AP3D1: variants seen among roughly 807,000 people sequenced by gnomAD.
The protein encoded by AP3D1 is AP-3 complex subunit delta-1.
A neutral mutation model predicts 147.6 loss-of-function variants in AP3D1; 51 were observed. That is an observed-to-expected ratio of 0.35 (90% CI 0.28 to 0.44). The LOEUF (loss-of-function observed/expected upper bound fraction) is 0.44. Among genes scored for constraint, AP3D1 ranks in the 20% least tolerant of loss-of-function variants. The pLI, the probability that AP3D1 is intolerant of heterozygous loss-of-function variation, is 1.00. For missense variants in AP3D1, 1,421 were observed against 1,624.2 expected, an observed-to-expected ratio of 0.87 and a Z score of 2.15; for synonymous variants, 760 against 663.0, an observed-to-expected ratio of 1.15 and a Z score of -2.25.
At position 2,121,182 on chromosome 19, in the gene AP3D1, A is replaced by G. The variant is rs957370288; in HGVS notation, c.1231T>C (p.Tyr411His). ...ACGCACCACTCGAAGTTGGTGATGT[A>G]CTGGTAGTTGGACTGGCTGCAGATG... ...IDICSQSNYQ[Y>H]ITNFEWYISI... Residue 411 changes from tyrosine (Y) to histidine (H), a missense_variant, in exon 13 of 32, where the codon TAC becomes CAC. Physicochemically the swap from Tyr to His is moderately conservative, Grantham distance 83. Around this residue, in one of 6 missense-constraint regions of AP3D1, gnomAD observed 310 missense variants for 388.1 expected, o/e 0.80. Coordinates refer to ENST00000643116, the MANE Select transcript of AP3D1 (RefSeq NM_001261826.3). 3.1e-6 allele frequency: 5 copies of G among 1,614,072 alleles called. No individual in the cohort carries two copies. The African/African-American group carries it at 5.3e-5, about 17-fold the overall frequency.
upstream of AP3D1, among the ~76,000 whole-genome samples, chr19:2,153,720 A>G (rs573302406): frequency 2.0e-5 from 3 of 151,740 alleles, no homozygotes; most frequent in African/African-American, 7.3e-5. Context: ...TGGTGGCTCC[A>G]TATCTTTGGA....
chr19:2,113,355 G>A lies in AP3D1; in HGVS notation c.2660C>T (p.Pro887Leu), dbSNP rs533823919. 25 of 1,452,806 alleles carry A rather than the reference G, an allele frequency of 1.7e-5. No individual in the cohort carries two copies. The African/African-American group carries it at 2.5e-4, about 14-fold the overall frequency. The allele number at this position is 1,452,806 out of a possible 1,614,324, so 90.0% of individuals were successfully genotyped here. A position where few individuals can be genotyped will look rare whatever the true frequency, so the allele number is the denominator to read the frequency against. The change falls in exon 23 of 32, where the codon CCC (proline) becomes CTC (leucine). Residue 887 changes from proline to leucine, a missense_variant. Pro to Leu is a moderately conservative substitution (Grantham distance 98, BLOSUM62 -3). This residue lies in a region of AP3D1 where 791 missense variants were observed against 761.4 expected (regional missense o/e 1.04). Transcript: ENST00000643116. ...TCTTACCGTGGATGGAACGGGGGCGGGGGCGGGGGCGGGGGCAGGCGGTGG... is the reference window on the plus strand; with the variant it reads ...TCTTACCGTGGATGGAACGGGGGCGAGGGCGGGGGCGGGGGCAGGCGGTGG... ...TTPPPAPAPA[P>L]APVPSTGELS...
At chr19:2,121,967 C>T in intron 11 of AP3D1, 88 bp from the exon 12 acceptor site, 7 of 1,459,250 alleles carry the variant, frequency 4.8e-6, no homozygotes, top group Non-Finnish European at 6.4e-6. Context: ...GCCGGGTCTC[C>T]ACCTCGGGAG....
chr19:2,122,699 A>G (rs1005819377), intron 11 of AP3D1, among the ~76,000 whole-genome samples: 1 of 152,238 alleles, frequency 6.6e-6, no homozygotes, highest in Admixed American at 6.5e-5. Flanking sequence ...CTCTCTTGCA[A>G]TACCCGACTG....
intron 1 of AP3D1, among the ~76,000 whole-genome samples, chr19:2,140,874 T>A (rs1413173733): frequency 6.6e-6 from 1 of 150,716 alleles, no homozygotes; most frequent in Admixed American, 6.7e-5. Flanking sequence ...TTCTCCTGGC[T>A]CAGCCTCCTG....
At position 2,111,784 on chromosome 19, in the gene AP3D1, C is replaced by T. The variant is rs767889885; in HGVS notation, c.2832G>A (p.Glu944=). ...PKKKKHRKEK[E]ERTKGKKKSK... is the part of the protein sequence containing the mutation. The stretch of plus-strand genomic sequence containing the variant: ...ACTTCTTCTTGCCTTTGGTCCGCTC[C>T]TCCTTCTCCTTCCTGTGCTTCTTCT... The change falls in exon 25 of 32, where the codon GAG becomes GAA. Residue 944 remains glutamate, a synonymous_variant. Transcript: ENST00000643116. The T allele has an allele frequency of 3.2e-5, 52 of 1,613,714 alleles. No individual in the cohort carries two copies. In the Admixed American group the frequency reaches 8.5e-4, roughly 26 times the overall value.
chr19:2,134,687 C>G (rs184045951), intron 4 of AP3D1, among the ~76,000 whole-genome samples: 1 of 151,850 alleles, frequency 6.6e-6, no homozygotes, highest in African/African-American at 2.4e-5. Flanking sequence ...CCACAACCTC[C>G]GCCTCCTGGG....
rs117526514 is a variant in AP3D1, at chr19:2,158,952, G to T, written c.-103+5404C>A. Among the ~76,000 whole-genome samples the T allele has an allele frequency of 1.4e-3, 208 of 152,196 alleles. 1 individual carries two copies. In the East Asian group the frequency reaches 0.031, roughly 23 times the overall value. Reference sequence around the variant, plus strand: ...ACAGCTTGGAGGTTAGAAGCAAAATGGAGTCGTCTAGGTCAGATCTCTTTC... The same window carrying T: ...ACAGCTTGGAGGTTAGAAGCAAAATTGAGTCGTCTAGGTCAGATCTCTTTC... On this transcript the variant is annotated intron_variant, in intron 1 of 14. Coordinates refer to the AP3D1 transcript ENST00000643010.
chr19:2,116,679 C>CCT lies in AP3D1; in HGVS notation c.1926_1927insAG (p.Ala643ArgfsTer72), dbSNP rs2018461837. 6.2e-7 allele frequency: 1 copy of CCT among 1,609,256 alleles called. No homozygotes were observed. The highest frequency in any genetic ancestry group is 1.7e-5 in the Admixed American group (1 of 59,566). ...CGCTGCTCCTCCTCGTGGAAGACGG[C>CCT]CCTGGGCCTCTCGTCCTCTGACTCG... On this transcript the variant is annotated frameshift_variant, in exon 17 of 32. Transcript: ENST00000643116. LOFTEE classifies it high-confidence loss of function.
rs763179295 is a variant in AP3D1, at chr19:2,114,856, C to T, written c.2350-35G>A. 19 of 1,609,802 alleles carry T rather than the reference C, an allele frequency of 1.2e-5. 1 individual carries two copies. Among genetic ancestry groups the T allele is most frequent in the South Asian group, 7.7e-5 (7 of 90,906 alleles). The stretch of plus-strand genomic sequence containing the variant: ...AGAGAGGAACCCCATCACTGGAACC[C>T]GCCCTTGTGGCCTGGTGGAACGCCA... On this transcript the variant is annotated intron_variant, in intron 20 of 31. Coordinates refer to ENST00000643116, the MANE Select transcript of AP3D1 (RefSeq NM_001261826.3).
chr19:2,109,437 G>A (rs920134746), intron 29 of AP3D1: 1 of 554,820 alleles, frequency 1.8e-6, no homozygotes, highest in South Asian at 2.6e-5. Context: ...GGTGCCTGAA[G>A]CCATGGGATG....
At chr19:2,144,866 G>A (rs1160014969) in intron 1 of AP3D1, among the ~76,000 whole-genome samples, 1 of 152,142 alleles carries the variant, frequency 6.6e-6, no homozygotes, top group African/African-American at 2.4e-5. Context: ...TCGCACCACT[G>A]CACTCCAGCC....
chr19:2,159,247 C>T (rs909822001), intron 1 of AP3D1, among the ~76,000 whole-genome samples: 1 of 148,204 alleles, frequency 6.7e-6, no homozygotes, highest in African/African-American at 2.5e-5. Flanking sequence ...GAGACGGAGT[C>T]TCCCTCTGTC....
At chr19:2,135,652 G>GAGGCC (rs1183846734) in intron 4 of AP3D1, among the ~76,000 whole-genome samples, 4 of 152,058 alleles carry the variant, frequency 2.6e-5, no homozygotes, top group Non-Finnish European at 5.9e-5. Flanking sequence ...ACCTGCGTCC[G>GAGGCC]AGGCCAGGCC....
At chr19:2,130,608 C>T (rs2018913037) in intron 5 of AP3D1, 71 bp from the exon 6 acceptor site, 1 of 1,594,106 alleles carries the variant, frequency 6.3e-7, no homozygotes, top group South Asian at 1.1e-5. Flanking sequence ...CTCCCAGCCG[C>T]CTCCTCCACA....
intron 5 of AP3D1, among the ~76,000 whole-genome samples, chr19:2,130,810 G>A (rs2018918278): frequency 6.6e-6 from 1 of 152,260 alleles, no homozygotes; most frequent in Admixed American, 6.5e-5. Context: ...GAAGGCTGGA[G>A]AGGAAAGTCA....
chr19:2,128,241 G>C (rs893675863), intron 8 of AP3D1, among the ~76,000 whole-genome samples: 1 of 152,128 alleles, frequency 6.6e-6, no homozygotes, highest in African/African-American at 2.4e-5. Context: ...TCCTAACATA[G>C]GATCCCATTC....
chr19:2,108,405 AG>A (rs2018170523), intron 31 of AP3D1, among the ~76,000 whole-genome samples: 1 of 152,124 alleles, frequency 6.6e-6, no homozygotes, highest in South Asian at 2.1e-4. Context: ...CCTTGTGCAC[AG>A]GGGTGGGGTG....
In AP3D1 at chr19:2,118,581, C is replaced by A; in HGVS notation, c.1713+20G>T. On this transcript the variant is annotated intron_variant, in intron 15 of 31. Coordinates refer to ENST00000643116, the MANE Select transcript of AP3D1 (RefSeq NM_001261826.3). ...GAGGGCTCCCTGAGGCTCGGCCCAA[C>A]ACGGAGTGTTGGATCTTACCCGCTC... The A allele has an allele frequency of 6.3e-7, 1 of 1,597,732 alleles. No individual in the cohort carries two copies. Among genetic ancestry groups the A allele is most frequent in the Non-Finnish European group, 8.5e-7 (1 of 1,174,408 alleles).
Sources: gnomAD v4.1 joint callset for allele counts (sites outside exome capture counted in the v4.1 genomes callset) on GRCh38, gnomAD v4.1.1 for gene constraint, gnomAD v4.1.1 regional missense constraint, MANE v1.5 for transcripts, NCBI Gene and HGNC (gene_info 2026-07-23, HGNC 2026-07-21) for gene names.